Variants in PLG observed in about 807,000 individuals in gnomAD.
PLG encodes the protein plasminogen.
PLG carries 41 observed loss-of-function variants against 104.4 expected under a neutral mutation model. That is an observed-to-expected ratio of 0.39 (90% confidence interval 0.31 to 0.51). The LOEUF (loss-of-function observed/expected upper bound fraction) is 0.51, where lower values mean the gene tolerates loss of function less well. Among genes scored for constraint, PLG ranks in the 20% least tolerant of loss-of-function variants. PLG has a pLI of 0.76. For synonymous variants in PLG, 337 were observed against 357.1 expected, an observed-to-expected ratio of 0.94 and a Z score of 0.63; for missense variants, 891 against 1,003.6, an observed-to-expected ratio of 0.89 and a Z score of 1.52.
intron 9 of PLG, among the ~76,000 whole-genome samples, chr6:160,720,719 T>G (rs1341523544): frequency 1.3e-5 from 2 of 152,186 alleles, no homozygotes. Context: ...GTGCCCAGCC[T>G]AGATTGTTGA....
chr6:160,711,585 A>G (rs542313677), intron 4 of PLG: 2 of 1,610,030 alleles, frequency 1.2e-6, no homozygotes, highest in African/African-American at 1.3e-5. Flanking sequence ...ATAAGCAGAT[A>G]GAAAGAATCT....
rs774079138 is a variant in PLG, at chr6:160,734,380, T to C, written c.1681+292T>C. Reference sequence around the variant, plus strand: ...AGGATGGTCCCACTGAATGCTGCCATGTCTAGCGTGGGATGCATGAAAAAT... The same window carrying C: ...AGGATGGTCCCACTGAATGCTGCCACGTCTAGCGTGGGATGCATGAAAAAT... On this transcript the variant is annotated intron_variant, in intron 13 of 18. Transcript: ENST00000308192. The surrounding 1 kb of genome is among the most constrained non-coding windows in gnomAD (Gnocchi z 4.4). 9.9e-5 allele frequency among the ~76,000 whole-genome samples: 15 copies of C among 152,176 alleles called. No individual in the cohort carries two copies. Among genetic ancestry groups the C allele is most frequent in the Non-Finnish European group, 2.9e-5 (2 of 68,030 alleles).
Position 160,731,079 on chromosome 6 carries a change from C to T in PLG, c.1285C>T (p.Pro429Ser), listed in dbSNP as rs774970719. ...CCTGACAATGAACTACTGCAGGAAT[C>T]CAGATGCCGATAAAGGCCCCTGGTG... ...AGLTMNYCRN[P>S]DADKGPWCFT... is the part of the protein sequence containing the mutation. The change falls in exon 11 of 19, where the codon CCA becomes TCA. Residue 429 changes from proline (P) to serine (S), a missense_variant. Transcript: ENST00000308192. The surrounding 1 kb of genome is among the most constrained non-coding windows in gnomAD (Gnocchi z 5.1). 2 of 1,614,014 alleles carry T rather than the reference C, an allele frequency of 1.2e-6. No individual in the cohort carries two copies. The highest frequency in any genetic ancestry group is 1.7e-6 in the Non-Finnish European group (2 of 1,179,970).
At chr6:160,749,766 ACCG>A (rs1050621849) in intron 17 of PLG, among the ~76,000 whole-genome samples, 44 of 150,740 alleles carry the variant, frequency 2.9e-4, no homozygotes, top group South Asian at 6.3e-4. Context: ...CACCATCACC[ACCG>A]CCACCACCTC....
At chr6:160,733,668 C>T (rs1290804652) in intron 12 of PLG, among the ~76,000 whole-genome samples, 1 of 151,674 alleles carries the variant, frequency 6.6e-6, no homozygotes, top group African/African-American at 2.4e-5. Flanking sequence ...GGTGAAACCT[C>T]ATCTCTACTG....
At chr6:160,707,970 T>C in intron 3 of PLG, 164 bp downstream of exon 3, 1 of 654,398 alleles carries the variant, frequency 1.5e-6, no homozygotes, top group East Asian at 2.8e-5. Context: ...ACTAACCATG[T>C]CAGCTTGAGT....
chr6:160,711,391 G>A lies in PLG; in HGVS notation c.407+200G>A, dbSNP rs4513764. On this transcript the variant is annotated intron_variant, in intron 4 of 18. Transcript: ENST00000308192. Reference sequence around the variant, plus strand: ...AATATAATGTAAATGCTATTTAATCGTTGTTATACTGTATTGTTTTTATTT... The same window carrying A: ...AATATAATGTAAATGCTATTTAATCATTGTTATACTGTATTGTTTTTATTT... 892 of 702,628 alleles carry A rather than the reference G, an allele frequency of 1.3e-3. 7 individuals are homozygous for A. Among genetic ancestry groups the A allele is most frequent in the East Asian group, 8.7e-3 (322 of 36,886 alleles). 43.5% of individuals were successfully genotyped at this position (702,628 alleles called of 1,614,324 possible). A position where few individuals can be genotyped will look rare whatever the true frequency, so the allele number is the denominator to read the frequency against.
intron 10 of PLG, among the ~76,000 whole-genome samples, chr6:160,729,619 G>A (rs1260234742): frequency 6.6e-6 from 1 of 152,160 alleles, no homozygotes; most frequent in Non-Finnish European, 1.5e-5. Flanking sequence ...AGGAAAGGAG[G>A]CAGATACATA....
In PLG at chr6:160,735,454, T is replaced by G. The variant is rs1778072354; in HGVS notation, c.1681+1366T>G. Among the ~76,000 whole-genome samples the G allele has an allele frequency of 6.6e-6, 1 of 152,184 alleles. No homozygotes were observed. Among genetic ancestry groups the G allele is most frequent in the African/African-American group, 2.4e-5 (1 of 41,446 alleles). ...GTACAAGAATCAGGTTCTTAGAGATTGGAGAAAGAAGGAAGAATGGGAACA... is the reference window on the plus strand; with the variant it reads ...GTACAAGAATCAGGTTCTTAGAGATGGGAGAAAGAAGGAAGAATGGGAACA... On this transcript the variant is annotated intron_variant, in intron 13 of 18. Transcript: ENST00000308192. This position sits in a 1 kb window ranked among gnomAD's most constrained non-coding sequence, Gnocchi z 5.4.
rs371019493 is a variant in PLG, at chr6:160,711,978, C to T, written c.407+787C>T. The T allele has an allele frequency of 7.0e-5, 83 of 1,178,350 alleles. No homozygotes were observed. The Middle Eastern group carries it at 1.1e-3, about 15-fold the overall frequency. The allele number at this position is 1,178,350 out of a possible 1,614,324, so 73.0% of individuals were successfully genotyped here. A position where few individuals can be genotyped will look rare whatever the true frequency, so the allele number is the denominator to read the frequency against. On this transcript the variant is annotated intron_variant, in intron 4 of 18. Coordinates refer to ENST00000308192, the MANE Select transcript of PLG (RefSeq NM_000301.5). Reference sequence around the variant, plus strand: ...GGTGGCATTAAGTTCTCAGTAATGACGCTTATCAAATAGGAACTTAGTGCT... The same window carrying T: ...GGTGGCATTAAGTTCTCAGTAATGATGCTTATCAAATAGGAACTTAGTGCT...
intron 17 of PLG, among the ~76,000 whole-genome samples, chr6:160,751,621 C>T (rs1243343931): frequency 1.3e-5 from 2 of 152,020 alleles, no homozygotes; most frequent in Non-Finnish European, 2.9e-5. Context: ...TTCCTCATTC[C>T]CAAAGGAAAC....
rs1777795669 is a variant in PLG, at chr6:160,719,454, A to G, written c.1096+616A>G. ...TGTGTGATATATCTTTTAAATTTGT[A>G]TGATATATCTTTTAAATTTATCTGA... On this transcript the variant is annotated intron_variant, in intron 9 of 18. Transcript: ENST00000308192. This position sits in a 1 kb window ranked among gnomAD's most constrained non-coding sequence, Gnocchi z 4.1. Among the ~76,000 whole-genome samples the G allele has an allele frequency of 6.6e-6, 1 of 152,126 alleles. No individual in the cohort carries two copies. Among genetic ancestry groups the G allele is most frequent in the South Asian group, 2.1e-4 (1 of 4,820 alleles).
At position 160,726,122 on chromosome 6, in the gene PLG, A is replaced by G. The variant is rs927744105; in HGVS notation, c.1256+3555A>G. ...TTAAAGGAAATTGTCAACCTATTTA[A>G]CACTATGCCAAACTGCAGAATACAC... On this transcript the variant is annotated intron_variant, in intron 10 of 18. Coordinates refer to ENST00000308192, the MANE Select transcript of PLG (RefSeq NM_000301.5). This position sits in a 1 kb window ranked among gnomAD's most constrained non-coding sequence, Gnocchi z 4.4. Among the ~76,000 whole-genome samples, 6 of 152,288 alleles carry G rather than the reference A, an allele frequency of 3.9e-5. No homozygotes were observed. The East Asian group carries it at 1.2e-3, about 29-fold the overall frequency.
Position 160,741,372 on chromosome 6 carries a change from G to A in PLG, c.2080G>A (p.Ala694Thr), listed in dbSNP as rs763815176. Residue 694 changes from alanine to threonine, a missense_variant, in exon 17 of 19, where the codon GCT (alanine) becomes ACT (threonine). Physicochemically the swap from Ala to Thr is moderately conservative, Grantham distance 58. Transcript: ENST00000308192. The surrounding 1 kb of genome is among the most constrained non-coding windows in gnomAD (Gnocchi z 4.7). ...TCTGCCATCCCCAAATTATGTGGTC[G>A]CTGACCGGACCGAATGTTTCATCAC... ...ACLPSPNYVV[A>T]DRTECFITGW... 1.2e-5 allele frequency: 19 copies of A among 1,613,234 alleles called. No homozygotes were observed. Among genetic ancestry groups the A allele is most frequent in the Admixed American group, 5.0e-5 (3 of 60,008 alleles).
intron 3 of PLG, among the ~76,000 whole-genome samples, chr6:160,710,290 C>T (rs1297287115): frequency 6.6e-6 from 1 of 152,126 alleles, no homozygotes; most frequent in Non-Finnish European, 1.5e-5. Flanking sequence ...TTTCTTTTCA[C>T]ATTCATTTCT....
chr6:160,723,650 G>T lies in PLG; in HGVS notation c.1256+1083G>T, dbSNP rs1777880460. ...CAGCTCCAGGAATGTCCATAGAAAA[G>T]TCCTCAAGTCTTTGGCTAAATAGAA... On this transcript the variant is annotated intron_variant, in intron 10 of 18. Transcript: ENST00000308192. The surrounding 1 kb of genome is among the most constrained non-coding windows in gnomAD (Gnocchi z 4.7). Among the ~76,000 whole-genome samples the T allele has an allele frequency of 6.6e-6, 1 of 152,178 alleles. No homozygotes were observed. The highest frequency in any genetic ancestry group is 1.5e-5 in the Non-Finnish European group (1 of 68,030).
intron 1 of PLG, among the ~76,000 whole-genome samples, chr6:160,704,761 G>A (rs1203194341): frequency 1.3e-5 from 2 of 152,214 alleles, no homozygotes; most frequent in Non-Finnish European, 1.5e-5. Flanking sequence ...TCCCAGAGGT[G>A]GGGAGCAGGG....
chr6:160,716,211 C>T (rs1484809717), intron 6 of PLG, among the ~76,000 whole-genome samples: 1 of 152,228 alleles, frequency 6.6e-6, no homozygotes, highest in East Asian at 1.9e-4. Context: ...GGTTGAATAA[C>T]TGGAATTTGC....
intron 3 of PLG, among the ~76,000 whole-genome samples, chr6:160,710,220 C>A (rs1480406364): frequency 6.6e-6 from 1 of 152,188 alleles, no homozygotes; most frequent in Non-Finnish European, 1.5e-5. Context: ...TTAAATGATT[C>A]ATGTTTCAAC....
Sources: gnomAD v4.1 joint callset for allele counts (sites outside exome capture counted in the v4.1 genomes callset) on GRCh38, gnomAD v4.1.1 for gene constraint, Gnocchi (gnomAD v3.1) non-coding constraint, MANE v1.5 for transcripts, NCBI Gene and HGNC (gene_info 2026-07-23, HGNC 2026-07-21) for gene names.